SCN10A: variants seen among roughly 807,000 people sequenced by gnomAD.
SCN10A encodes the protein sodium voltage-gated channel alpha subunit 10, also known as sodium channel protein type 10 subunit alpha.
SCN10A carries 162 observed loss-of-function variants against 170.7 expected under a neutral mutation model. That is an observed-to-expected ratio of 0.95 (90% CI 0.84 to 1.08). SCN10A has a LOEUF of 1.08. Ranked by LOEUF, SCN10A falls within the 50% of genes least tolerant of loss-of-function variation. SCN10A has a pLI of 0.00. For missense variants in SCN10A, 2,527 were observed against 2,436.9 expected, an observed-to-expected ratio of 1.04 and a Z score of -0.78; for synonymous variants, 985 against 904.6, an observed-to-expected ratio of 1.09 and a Z score of -1.59.
chr3:38,755,686 C>T (rs2063795433), intron 11 of SCN10A, 102 bp downstream of exon 11: 3 of 1,391,900 alleles, frequency 2.2e-6, no homozygotes, highest in Non-Finnish European at 3.0e-6. Flanking sequence ...GGCTCTATGC[C>T]TCCAGCTCTT....
At chr3:38,700,760 C>T (rs1217505660) in intron 27 of SCN10A, among the ~76,000 whole-genome samples, 1 of 152,230 alleles carries the variant, frequency 6.6e-6, no homozygotes, top group Non-Finnish European at 1.5e-5. Flanking sequence ...TAGATACTCT[C>T]AGCTCTTGTT....
At chr3:38,723,298 C>T in intron 19 of SCN10A, 132 bp downstream of exon 19, 1 of 1,160,744 alleles carries the variant, frequency 8.6e-7, no homozygotes. Flanking sequence ...TGCGGGCGCC[C>T]TCAAGCCTGG....
At chr3:38,767,083 C>A (rs189758917) in intron 5 of SCN10A, among the ~76,000 whole-genome samples, 35 of 151,758 alleles carry the variant, frequency 2.3e-4, no homozygotes, top group African/African-American at 8.2e-4. Context: ...TGTAATATCT[C>A]CCATTTTATT....
intron 5 of SCN10A, among the ~76,000 whole-genome samples, chr3:38,770,286 T>G (rs542269135): frequency 6.6e-6 from 1 of 152,254 alleles, no homozygotes; most frequent in African/African-American, 2.4e-5. Context: ...TTTTAGTTTC[T>G]TAGGTGATGA....
At position 38,702,045 on chromosome 3, in the gene SCN10A, A is replaced by G; in HGVS notation, c.4451T>C (p.Val1484Ala). The G allele has an allele frequency of 6.2e-7, 1 of 1,603,738 alleles. No homozygotes were observed. The highest frequency in any genetic ancestry group is 8.5e-7 in the Non-Finnish European group (1 of 1,175,036). Residue 1484 changes from valine (V) to alanine (A), a missense_variant, in exon 27 of 28, where the codon GTC (valine) becomes GCC (alanine). By Grantham distance (64) the Val-to-Ala change is moderately conservative (BLOSUM62 0). Transcript: ENST00000449082. ...TRQAFDITIM[V>A]LICLNMITMM... is the part of the protein sequence containing the mutation. The stretch of plus-strand genomic sequence containing the variant: ...GGTGATCATGTTGAGGCAGATGAGG[A>G]CCATGATGGTGATGTCAAAAGCTTG...
intron 13 of SCN10A, among the ~76,000 whole-genome samples, chr3:38,743,848 A>G (rs571594220): frequency 3.4e-4 from 52 of 152,234 alleles, no homozygotes; most frequent in Non-Finnish European, 6.3e-4. Context: ...CCACCAAATT[A>G]TGTGTCCAAT....
chr3:38,800,307 T>C lies in SCN10A; in HGVS notation c.-32-6265A>G, dbSNP rs138456103. Among the ~76,000 whole-genome samples the C allele has an allele frequency of 3.8e-3, 580 of 152,274 alleles. 5 individuals carry two copies. Among genetic ancestry groups the C allele is most frequent in the African/African-American group, 0.01 (430 of 41,568 alleles). On this transcript the variant is annotated intron_variant, in intron 1 of 27. Coordinates refer to ENST00000449082, the MANE Select transcript of SCN10A (RefSeq NM_006514.4). ...CTGTGTCACCATCACAGGGGAGAAT[T>C]GGACTAAGATGCAGATTCCTGGACT...
chr3:38,724,009 G>C (rs1421389188), intron 18 of SCN10A, among the ~76,000 whole-genome samples: 1 of 152,188 alleles, frequency 6.6e-6, no homozygotes, highest in African/African-American at 2.4e-5. Context: ...CGGGGTCATG[G>C]ACAAGAAAAC....
At chr3:38,728,926 G>A (rs2063487333) in intron 15 of SCN10A, 25 bp from the exon 16 acceptor site, 2 of 1,582,630 alleles carry the variant, frequency 1.3e-6, no homozygotes. Context: ...AGACCGTCAG[G>A]TTTTGGTAGC....
rs142621106 is a variant in SCN10A at position 38,710,909 on chromosome 3, G to C, written c.4090-12C>G. 4.3e-6 allele frequency: 7 copies of C among 1,612,572 alleles called. No homozygotes were observed. In the African/African-American group the frequency reaches 6.7e-5, roughly 15 times the overall value. On this transcript the variant is annotated splice_polypyrimidine_tract_variant and intron_variant, in intron 23 of 27. Coordinates refer to ENST00000449082, the MANE Select transcript of SCN10A (RefSeq NM_006514.4). ...CCTTTAAAGGTTGCCTGGAGACAAGGAGCAGAGGCCACTCAGTGTCTGCCC... is the reference window on the plus strand; with the variant it reads ...CCTTTAAAGGTTGCCTGGAGACAAGCAGCAGAGGCCACTCAGTGTCTGCCC...
intron 15 of SCN10A, among the ~76,000 whole-genome samples, chr3:38,731,420 G>A (rs76096312): frequency 0.027 from 4,150 of 152,218 alleles, 182 homozygotes; most frequent in African/African-American, 0.094. Context: ...GTGCTCCAAA[G>A]GGTTGAAGAA....
At chr3:38,712,515 C>G in intron 22 of SCN10A, 70 bp from the exon 23 acceptor site, 1 of 1,511,048 alleles carries the variant, frequency 6.6e-7, no homozygotes, top group African/African-American at 1.4e-5. Flanking sequence ...CTATCTCTTT[C>G]TATACTCATT....
intron 1 of SCN10A, among the ~76,000 whole-genome samples, chr3:38,810,054 G>T (rs1195903330): frequency 6.6e-6 from 1 of 152,146 alleles, no homozygotes; most frequent in Non-Finnish European, 1.5e-5. Flanking sequence ...TACATGCCCA[G>T]ACTGAAGTTC....
chr3:38,783,021 T>G (rs1338802963), intron 4 of SCN10A, among the ~76,000 whole-genome samples: 2 of 152,120 alleles, frequency 1.3e-5, no homozygotes, highest in African/African-American at 4.8e-5. Flanking sequence ...TTCTAGCTTA[T>G]AGATGTCTAC....
In SCN10A at chr3:38,697,983, T is replaced by C. The variant is rs895881970; in HGVS notation, c.5237A>G (p.Glu1746Gly). The C allele has an allele frequency of 6.2e-7, 1 of 1,614,064 alleles. No homozygotes were observed. The highest frequency in any genetic ancestry group is 2.2e-5 in the East Asian group (1 of 44,898). The change falls in exon 28 of 28, where the codon GAG becomes GGG. Residue 1746 changes from glutamate (E) to glycine (G), a missense_variant. Glu to Gly is a moderately conservative substitution (Grantham distance 98). Transcript: ENST00000449082. The stretch of plus-strand genomic sequence containing the variant: ...CTCTGGGTCAAACTTCTCCCAGGTC[T>C]CATAGAACATGTCAAAGTCGTCCTC... ...LSEDDFDMFY[E>G]TWEKFDPEAT... is the part of the protein sequence containing the mutation.
chr3:38,734,423 T>C (rs993313623), intron 15 of SCN10A, among the ~76,000 whole-genome samples: 4 of 152,204 alleles, frequency 2.6e-5, no homozygotes, highest in Non-Finnish European at 5.9e-5. Flanking sequence ...ATATTACTCA[T>C]TGATATGGAT....
At chr3:38,704,460 G>A (rs1282632201) in intron 26 of SCN10A, among the ~76,000 whole-genome samples, 1 of 152,180 alleles carries the variant, frequency 6.6e-6, no homozygotes, top group Non-Finnish European at 1.5e-5. Context: ...CTGACTTTAG[G>A]GAATGGAGTA....
chr3:38,770,387 G>A (rs1037861914), intron 5 of SCN10A, among the ~76,000 whole-genome samples: 2 of 152,178 alleles, frequency 1.3e-5, no homozygotes, highest in Non-Finnish European at 2.9e-5. Flanking sequence ...GCAGGGGTAG[G>A]TGAGTCTAGA....
intron 25 of SCN10A, among the ~76,000 whole-genome samples, chr3:38,708,101 T>A (rs2063229888): frequency 6.6e-6 from 1 of 152,202 alleles, no homozygotes; most frequent in South Asian, 2.1e-4. Flanking sequence ...TTATGTAAGT[T>A]AGTCCCTGCA....
Sources: gnomAD v4.1 joint callset for allele counts (sites outside exome capture counted in the v4.1 genomes callset) on GRCh38, gnomAD v4.1.1 for gene constraint, MANE v1.5 for transcripts, NCBI Gene and HGNC (gene_info 2026-07-23, HGNC 2026-07-21) for gene names.